PHF21A: variants seen among roughly 807,000 people sequenced by gnomAD.
PHF21A encodes the protein PHD finger protein 21A.
In PHF21A, 11 loss-of-function variants were observed where a neutral mutation model predicts 82.5. The observed-to-expected ratio is 0.13, with a 90% CI of 0.08 to 0.22. PHF21A has a LOEUF of 0.22. Ranked by LOEUF, PHF21A falls within the 10% of genes least tolerant of loss-of-function variation. PHF21A has a pLI of 1.00. For missense variants in PHF21A, 579 were observed against 837.8 expected, an observed-to-expected ratio of 0.69 and a Z score of 3.81; for synonymous variants, 297 against 302.8, an observed-to-expected ratio of 0.98 and a Z score of 0.20.
intron 6 of PHF21A, among the ~76,000 whole-genome samples, chr11:45,998,422 T>C (rs1021400930): frequency 1.3e-5 from 2 of 152,226 alleles, no homozygotes; most frequent in Admixed American, 1.3e-4. Flanking sequence ...TTGTAACAGA[T>C]GTAGTATATT....
At chr11:45,987,232 C>T (rs1312612070) in intron 6 of PHF21A, among the ~76,000 whole-genome samples, 5 of 104,278 alleles carry the variant, frequency 4.8e-5, no homozygotes, top group African/African-American at 4.7e-5. Flanking sequence ...GGCAACAGAG[C>T]GAGACTGTAT....
intron 6 of PHF21A, among the ~76,000 whole-genome samples, chr11:46,012,021 A>T (rs1331997989): frequency 6.6e-6 from 1 of 152,100 alleles, no homozygotes; most frequent in Non-Finnish European, 1.5e-5. Flanking sequence ...CCCATGATAA[A>T]CCACTTCTAC....
intron 1 of PHF21A, among the ~76,000 whole-genome samples, chr11:46,101,423 C>T (rs548128212): frequency 2.0e-5 from 3 of 152,264 alleles, no homozygotes; most frequent in African/African-American, 7.2e-5. Flanking sequence ...ATGTTTTACA[C>T]ACTATAAATA....
chr11:46,034,408 T>C (rs2095943504), intron 6 of PHF21A, among the ~76,000 whole-genome samples: 1 of 152,250 alleles, frequency 6.6e-6, no homozygotes, highest in African/African-American at 2.4e-5. Context: ...TTCTCTTCTT[T>C]CTTTTATCCT....
At chr11:45,943,072 T>C (rs2090649976) in intron 15 of PHF21A, among the ~76,000 whole-genome samples, 1 of 151,898 alleles carries the variant, frequency 6.6e-6, no homozygotes, top group African/African-American at 2.4e-5. Flanking sequence ...GTGATCACTT[T>C]TCTCCATCTC....
Position 46,049,837 on chromosome 11 carries a change from T to C in PHF21A, c.153+26917A>G, listed in dbSNP as rs78579936. On this transcript the variant is annotated intron_variant, in intron 6 of 18. Transcript: ENST00000676320. ...TCCAACAAATTAGCACTGAGAACCA[T>C]AGGTTCCTAAAAACAACGTTAAGAC... Among the ~76,000 whole-genome samples, 794 of 45,206 alleles carry C rather than the reference T, an allele frequency of 0.018. 59 individuals are homozygous for C. In the East Asian group the frequency reaches 0.29, roughly 17 times the overall value. 29.7% of individuals were successfully genotyped at this position (45,206 alleles called of 152,430 possible). A position where few individuals can be genotyped will look rare whatever the true frequency, so the allele number is the denominator to read the frequency against.
rs1467393180 is a variant in PHF21A at position 45,929,447 on chromosome 11, C to T, written c.*4521G>A. On this transcript the variant is annotated 3_prime_UTR_variant, in exon 19 of 19. Transcript: ENST00000676320. ...ACAAACAAAAACAAAAACTTTGAAG[C>T]ACAAAACTCCAAATACAAGTCTACC... 1 of 153,850 alleles carries T rather than the reference C, an allele frequency of 6.5e-6. No homozygotes were observed. The highest frequency in any genetic ancestry group is 1.4e-5 in the Non-Finnish European group (1 of 69,216). The allele number at this position is 153,850 out of a possible 1,614,324, so 9.5% of individuals were successfully genotyped here.
At chr11:46,066,305 T>C (rs1482904155) in intron 6 of PHF21A, among the ~76,000 whole-genome samples, 2 of 152,186 alleles carry the variant, frequency 1.3e-5, no homozygotes, top group Non-Finnish European at 2.9e-5. Flanking sequence ...CAGTGTGTAA[T>C]AATATATTTG....
At position 46,011,412 on chromosome 11, in the gene PHF21A, C is replaced by T. The variant is rs2095411116; in HGVS notation, c.154-31446G>A. ...GCTGAGGCAGGAGAATCGCCTGAGC[C>T]CAGTAGGTGGAGGTTGCAGCAGTGA... is the stretch of plus-strand genomic sequence containing the variant. On this transcript the variant is annotated intron_variant, in intron 6 of 18. Transcript: ENST00000676320. Among the ~76,000 whole-genome samples, 3 of 151,992 alleles carry T rather than the reference C, an allele frequency of 2.0e-5. 1 individual carries two copies. In the South Asian group the frequency reaches 6.2e-4, roughly 32 times the overall value.
chr11:46,086,321 G>A (rs957426661), intron 3 of PHF21A, among the ~76,000 whole-genome samples: 2 of 152,122 alleles, frequency 1.3e-5, no homozygotes, highest in South Asian at 4.2e-4. Context: ...GGGTTTCACC[G>A]TGTTAGCCAG....
intron 6 of PHF21A, among the ~76,000 whole-genome samples, chr11:46,039,776 C>A (rs982918329): frequency 6.6e-6 from 1 of 152,166 alleles, no homozygotes; most frequent in South Asian, 2.1e-4. Context: ...GTCAAAACTG[C>A]ACAATCTGCA....
At chr11:46,030,072 A>T (rs1300593626) in intron 6 of PHF21A, among the ~76,000 whole-genome samples, 2 of 152,222 alleles carry the variant, frequency 1.3e-5, no homozygotes, top group African/African-American at 4.8e-5. Context: ...CTAATACAGT[A>T]GGTTGTTATT....
intron 6 of PHF21A, among the ~76,000 whole-genome samples, chr11:46,023,334 C>T (rs945587640): frequency 4.6e-5 from 7 of 152,120 alleles, no homozygotes; most frequent in African/African-American, 1.7e-4. Context: ...GTGAGTCTGT[C>T]TTGCACAGAG....
intron 1 of PHF21A, chr11:46,119,942 C>A (rs968476398): frequency 2.7e-5 from 4 of 146,538 alleles, no homozygotes; most frequent in South Asian, 2.1e-4. Context: ...GCGGCCTGTC[C>A]GCCCCGGCCC....
intron 6 of PHF21A, among the ~76,000 whole-genome samples, chr11:46,072,354 A>T (rs74402481): frequency 0.029 from 4,430 of 152,286 alleles, 70 homozygotes; most frequent in Middle Eastern, 0.041. Flanking sequence ...AAACATCCTT[A>T]AAAAATAAAG....
chr11:45,934,484 A>T, intron 18 of PHF21A: 1 of 462,668 alleles, frequency 2.2e-6, no homozygotes, highest in Non-Finnish European at 3.8e-6. Context: ...ACCAACACAC[A>T]GGAGTACTAA....
At chr11:46,063,114 T>A (rs905523619) in intron 6 of PHF21A, among the ~76,000 whole-genome samples, 1 of 152,074 alleles carries the variant, frequency 6.6e-6, no homozygotes, top group African/African-American at 2.4e-5. Flanking sequence ...GGGAGAGGAA[T>A]AGAGACGAAG....
chr11:46,000,359 T>A (rs1383865512), intron 6 of PHF21A, among the ~76,000 whole-genome samples: 1 of 152,142 alleles, frequency 6.6e-6, no homozygotes, highest in Non-Finnish European at 1.5e-5. Flanking sequence ...AGTTGCAGGA[T>A]CTCTCTCATC....
intron 14 of PHF21A, 66 bp downstream of exon 14, chr11:45,948,820 G>A (rs1224239054): frequency 3.0e-5 from 34 of 1,121,066 alleles, no homozygotes; most frequent in Non-Finnish European, 4.4e-5. Flanking sequence ...GAGGAGGGAA[G>A]GAGAAGAAAC....
Sources: allele counts gnomAD v4.1 joint callset (sites outside exome capture counted in the v4.1 genomes callset), GRCh38; gene constraint gnomAD v4.1.1; transcripts MANE v1.5; gene names NCBI Gene and HGNC (gene_info 2026-07-23, HGNC 2026-07-21).